Variants in TUBA3C observed in about 807,000 individuals in gnomAD.
The protein encoded by TUBA3C is tubulin alpha 3c, also known as tubulin alpha-3C chain.
A neutral mutation model predicts 33.4 loss-of-function variants in TUBA3C; 23 were observed. The observed-to-expected ratio is 0.69, with a 90% confidence interval of 0.50 to 0.98. The LOEUF (loss-of-function observed/expected upper bound fraction) is 0.98. TUBA3C is among the 50% of genes least tolerant of loss of function. The pLI, the probability that TUBA3C is intolerant of heterozygous loss-of-function variation, is 0.00. For synonymous variants in TUBA3C, 269 were observed against 250.4 expected, an observed-to-expected ratio of 1.07 and a Z score of -0.70; for missense variants, 402 against 616.0, an observed-to-expected ratio of 0.65 and a Z score of 3.68.
At chr13:19,180,765 G>A (rs954473805) in intron 1 of TUBA3C, among the ~76,000 whole-genome samples, 2 of 151,042 alleles carry the variant, frequency 1.3e-5, no homozygotes. Flanking sequence ...AAAGTGCTGG[G>A]ATTACAGGCG....
intron 4 of TUBA3C, among the ~76,000 whole-genome samples, chr13:19,174,426 G>C (rs1470951788): frequency 1.5e-5 from 2 of 131,946 alleles, no homozygotes; most frequent in Non-Finnish European, 3.2e-5. Context: ...GAGGCAGCAT[G>C]CCCAGCATTT....
Position 19,174,098 on chromosome 13 carries a change from C to A in TUBA3C, c.1118G>T (p.Arg373Leu). Residue 373 changes from arginine (R) to leucine (L), a missense_variant, in exon 5 of 5, where the codon CGG becomes CTG. Coordinates refer to ENST00000400113, the MANE Select transcript of TUBA3C (RefSeq NM_006001.3). ...VPGGDLAKVQ[R>L]AVCMLSNTTA... ...GGTGTTGCTCAGCATGCACACAGCCCGCTGCACCTTGGCCAGGTCTCCCCC... is the reference window on the plus strand; with the variant it reads ...GGTGTTGCTCAGCATGCACACAGCCAGCTGCACCTTGGCCAGGTCTCCCCC... 1 of 1,614,036 alleles carries A rather than the reference C, an allele frequency of 6.2e-7. No individual in the cohort carries two copies. Among genetic ancestry groups the A allele is most frequent in the Non-Finnish European group, 8.5e-7 (1 of 1,180,034 alleles).
chr13:19,179,109 A>G (rs1869304449), intron 2 of TUBA3C, among the ~76,000 whole-genome samples: 1 of 152,198 alleles, frequency 6.6e-6, no homozygotes, highest in Non-Finnish European at 1.5e-5. Flanking sequence ...TCCACAGCCC[A>G]TCTTACTGTT....
chr13:19,181,434 C>T (rs36214437), intron 1 of TUBA3C, among the ~76,000 whole-genome samples: 2,539 of 152,250 alleles, frequency 0.017, 74 homozygotes, highest in African/African-American at 0.057. Context: ...GCGGGAGCAG[C>T]GCCCTTCTGT....
At position 19,177,713 on chromosome 13, in the gene TUBA3C, A is replaced by G. The variant is rs1593261398; in HGVS notation, c.376-106T>C. The stretch of plus-strand genomic sequence containing the variant: ...CCTCTGAAGACTTGATATGGATTCC[A>G]ATCATCCATAATAAACACGCAGTAC... On this transcript the variant is annotated intron_variant, in intron 3 of 4. Transcript: ENST00000400113. This position sits in a 1 kb window ranked among gnomAD's most constrained non-coding sequence, Gnocchi z 5.0. 5 of 1,362,486 alleles carry G rather than the reference A, an allele frequency of 3.7e-6. No homozygotes were observed. Among genetic ancestry groups the G allele is most frequent in the Non-Finnish European group, 4.9e-6 (5 of 1,011,006 alleles). 84.4% of individuals were successfully genotyped at this position (1,362,486 alleles called of 1,614,324 possible).
intron 1 of TUBA3C, among the ~76,000 whole-genome samples, 156 bp downstream of exon 1, chr13:19,181,589 G>A (rs752256594): frequency 1.3e-5 from 2 of 151,992 alleles, no homozygotes; most frequent in Non-Finnish European, 2.9e-5. Flanking sequence ...AGACGATGCC[G>A]TGTCCTCGTG....
intron 4 of TUBA3C, among the ~76,000 whole-genome samples, 175 bp downstream of exon 4, chr13:19,176,752 A>AAAAAAAAAAAAAAAAAAC (rs1869195276): frequency 7.1e-6 from 1 of 140,374 alleles, no homozygotes; most frequent in African/African-American, 2.8e-5. Flanking sequence ...AAAAAAAAAA[A>AAAAAAAAAAAAAAAAAAC]AAAAAAAGAC....
chr13:19,177,428 G>A lies in TUBA3C; in HGVS notation c.555C>T (p.Tyr185=), dbSNP rs2138956027. 1 of 1,614,130 alleles carries A rather than the reference G, an allele frequency of 6.2e-7. No homozygotes were observed. Among genetic ancestry groups the A allele is most frequent in the Non-Finnish European group, 8.5e-7 (1 of 1,180,032 alleles). The change falls in exon 4 of 5, where the codon TAC becomes TAT. Residue 185 remains tyrosine (Y), a synonymous_variant. Transcript: ENST00000400113. This position sits in a 1 kb window ranked among gnomAD's most constrained non-coding sequence, Gnocchi z 5.0. ...TCGTGTGGGTGGTCAGGATGGAGTT[G>A]TAGGGCTCCACCACGGCCGTGGAGA... The part of the protein sequence containing the change: ...PQVSTAVVEP[Y]NSILTTHTTL...
At chr13:19,174,692 T>G (rs1869121671) in intron 4 of TUBA3C, among the ~76,000 whole-genome samples, 1 of 151,666 alleles carries the variant, frequency 6.6e-6, no homozygotes. Flanking sequence ...CAGCAACAGG[T>G]GCAGTGGCTC....
chr13:19,176,003 C>T (rs1053007036), intron 4 of TUBA3C, among the ~76,000 whole-genome samples: 1 of 152,208 alleles, frequency 6.6e-6, no homozygotes, highest in Admixed American at 6.5e-5. Context: ...CTTGGCCTCC[C>T]AAAGTGCTGG....
At position 19,176,921 on chromosome 13, in the gene TUBA3C, T is replaced by G. The variant is rs770473809; in HGVS notation, c.1056+6A>C. On this transcript the variant is annotated splice_donor_region_variant and intron_variant, in intron 4 of 4. Coordinates refer to ENST00000400113, the MANE Select transcript of TUBA3C (RefSeq NM_006001.3). ...GGTACAAGGACTCCACATTACCCAG[T>G]CATACCTTAAATCCAGTTGGGCACC... The G allele has an allele frequency of 1.2e-5, 20 of 1,612,866 alleles. No homozygotes were observed. The highest frequency in any genetic ancestry group is 3.3e-5 in the Admixed American group (2 of 59,966).
At chr13:19,176,582 T>A (rs1014360998) in intron 4 of TUBA3C, among the ~76,000 whole-genome samples, 1 of 151,770 alleles carries the variant, frequency 6.6e-6, no homozygotes, top group Non-Finnish European at 1.5e-5. Flanking sequence ...GGCATAACCC[T>A]GTTTCTACTA....
At position 19,179,626 on chromosome 13, in the gene TUBA3C, G is replaced by A. The variant is rs1326758547; in HGVS notation, c.4-63C>T. 2.6e-6 allele frequency: 4 copies of A among 1,540,484 alleles called. No individual in the cohort carries two copies. The African/African-American group carries it at 4.2e-5, about 16-fold the overall frequency. On this transcript the variant is annotated intron_variant, in intron 1 of 4. Transcript: ENST00000400113. Reference sequence around the variant, plus strand: ...AAGGCAACTTGAAGCTATATGGTATGCAAAATATTATAATTTAATATTTAT... The same window carrying A: ...AAGGCAACTTGAAGCTATATGGTATACAAAATATTATAATTTAATATTTAT...
At chr13:19,180,131 A>G (rs1869350821) in intron 1 of TUBA3C, among the ~76,000 whole-genome samples, 3 of 152,082 alleles carry the variant, frequency 2.0e-5, no homozygotes, top group African/African-American at 7.2e-5. Flanking sequence ...GGTTTGTTCA[A>G]TGACAGGCAG....
intron 1 of TUBA3C, among the ~76,000 whole-genome samples, 177 bp downstream of exon 1, chr13:19,181,568 G>A (rs533319422): frequency 4.1e-4 from 62 of 152,240 alleles, no homozygotes; most frequent in Non-Finnish European, 7.5e-4. Context: ...CCTGGAGCCC[G>A]CAGACCCAGC....
intron 3 of TUBA3C, 88 bp downstream of exon 3, chr13:19,178,158 T>C (rs58424844): frequency 6.4e-7 from 1 of 1,569,946 alleles, no homozygotes; most frequent in African/African-American, 1.3e-5. Flanking sequence ...CGCACTGGTC[T>C]AGGTTTTGAC....
intron 4 of TUBA3C, among the ~76,000 whole-genome samples, chr13:19,176,069 G>C (rs1403290682): frequency 5.9e-5 from 9 of 152,178 alleles, no homozygotes; most frequent in Non-Finnish European, 4.4e-5. Flanking sequence ...GTGGAGAGCT[G>C]TGATCACCAC....
At position 19,176,986 on chromosome 13, in the gene TUBA3C, C is replaced by T. The variant is rs751106455; in HGVS notation, c.997G>A (p.Ala333Thr). ...VVPKDVNAAI[A>T]TIKTKRTIQF... ...ATGGTGCGCTTGGTCTTGATGGTGG[C>T]GATGGCCGCGTTGACATCTTTCGGG... Residue 333 changes from alanine to threonine, a missense_variant, in exon 4 of 5, where the codon GCC (alanine) becomes ACC (threonine). By Grantham distance (58) the Ala-to-Thr change is moderately conservative. Coordinates refer to ENST00000400113, the MANE Select transcript of TUBA3C (RefSeq NM_006001.3). 8 of 1,614,000 alleles carry T rather than the reference C, an allele frequency of 5.0e-6. No individual in the cohort carries two copies. The highest frequency in any genetic ancestry group is 2.2e-5 in the East Asian group (1 of 44,866).
intron 1 of TUBA3C, among the ~76,000 whole-genome samples, chr13:19,180,782 A>T (rs1158263075): frequency 1.3e-5 from 2 of 151,842 alleles, no homozygotes; most frequent in Non-Finnish European, 2.9e-5. Context: ...GGCGTGAGCC[A>T]CAGCGCCCGG....
Sources: gnomAD v4.1 joint callset for allele counts (sites outside exome capture counted in the v4.1 genomes callset) on GRCh38, gnomAD v4.1.1 for gene constraint, Gnocchi (gnomAD v3.1) non-coding constraint, MANE v1.5 for transcripts, NCBI Gene and HGNC (gene_info 2026-07-23, HGNC 2026-07-21) for gene names.